The following LRCH3 variants were observed in gnomAD, a reference collection of about 807,000 sequenced individuals.
LRCH3 encodes leucine rich repeats and calponin homology domain containing 3.
A neutral mutation model predicts 104.5 loss-of-function variants in LRCH3; 68 were observed. The observed-to-expected ratio is 0.65, with a 90% CI of 0.54 to 0.80. The LOEUF (loss-of-function observed/expected upper bound fraction) is 0.80, where lower values mean the gene tolerates loss of function less well. Ranked by LOEUF, LRCH3 falls within the 30% of genes least tolerant of loss-of-function variation. The pLI is 0.00. For synonymous variants in LRCH3, 344 were observed against 361.3 expected (o/e 0.95, Z 0.54); for missense variants, 951 against 953.9 (o/e 1.00, Z 0.04).
At chr3:197,834,902 G>A (rs1736484360) in intron 8 of LRCH3, among the ~76,000 whole-genome samples, 1 of 152,156 alleles carries the variant, frequency 6.6e-6, no homozygotes, top group Non-Finnish European at 1.5e-5. Flanking sequence ...CCAGCACTTT[G>A]GGTGGCCACA....
At chr3:197,878,588 C>T (rs1459696194) in intron 20 of LRCH3, among the ~76,000 whole-genome samples, 1 of 152,192 alleles carries the variant, frequency 6.6e-6, no homozygotes, top group African/African-American at 2.4e-5. Flanking sequence ...CCTTCCTTCT[C>T]CCCTTCCACC....
Position 197,883,717 on chromosome 3 carries a change from C to T in LRCH3, c.*51C>T. ...CCTGGCCAAAACAAGGAACAGGACA[C>T]CGTGATTGCTGCTGCCAGCTGTCTG... On this transcript the variant is annotated 3_prime_UTR_variant, in exon 21 of 21. Transcript: ENST00000425562. The surrounding 1 kb of genome is among the most constrained non-coding windows in gnomAD (Gnocchi z 4.2). 6.7e-7 allele frequency: 1 copy of T among 1,497,278 alleles called. No individual in the cohort carries two copies. Among genetic ancestry groups the T allele is most frequent in the Admixed American group, 2.2e-5 (1 of 45,020 alleles). The allele number at this position is 1,497,278 out of a possible 1,614,324, so 92.7% of individuals were successfully genotyped here.
intron 9 of LRCH3, among the ~76,000 whole-genome samples, chr3:197,838,206 G>T (rs557961145): frequency 1.3e-5 from 2 of 152,242 alleles, no homozygotes; most frequent in Non-Finnish European, 2.9e-5. Context: ...GACTGCTTGA[G>T]CCCGGCAGTT....
chr3:197,883,673 C>T lies in LRCH3; in HGVS notation c.*7C>T. 6.5e-7 allele frequency: 1 copy of T among 1,535,482 alleles called. No individual in the cohort carries two copies. Among genetic ancestry groups the T allele is most frequent in the Non-Finnish European group, 8.7e-7 (1 of 1,146,646 alleles). ...CCAGTTATCTGCTGTTTGAGGATCC[C>T]CAGGACGGTGGGCACTGGCCTGGCC... On this transcript the variant is annotated 3_prime_UTR_variant, in exon 21 of 21. Transcript: ENST00000425562. This position sits in a 1 kb window ranked among gnomAD's most constrained non-coding sequence, Gnocchi z 4.2.
chr3:197,792,330 C>A (rs1730622201), intron 1 of LRCH3, among the ~76,000 whole-genome samples: 1 of 151,460 alleles, frequency 6.6e-6, no homozygotes, highest in South Asian at 2.1e-4. Flanking sequence ...ACTTGCTATT[C>A]CTTTTTAAAG....
chr3:197,840,753 T>C (rs187862782), intron 10 of LRCH3, among the ~76,000 whole-genome samples: 31 of 152,318 alleles, frequency 2.0e-4, no homozygotes, highest in African/African-American at 7.5e-4. Context: ...ACATTTATAC[T>C]CTTATCACTT....
At chr3:197,882,369 CA>C in intron 20 of LRCH3, 1 of 984,268 alleles carries the variant, frequency 1.0e-6, no homozygotes, top group Non-Finnish European at 1.2e-6. Context: ...TTTTTTAGAT[CA>C]AAAGATTACA....
rs769325240 is a variant in LRCH3 at position 197,852,648 on chromosome 3, G to C, written c.1590+28G>C. 5.0e-6 allele frequency: 8 copies of C among 1,603,540 alleles called. No individual in the cohort carries two copies. In the East Asian group the frequency reaches 1.8e-4, roughly 36 times the overall value. On this transcript the variant is annotated intron_variant, in intron 13 of 20. Transcript: ENST00000425562. ...AAGTTGATGTAATCTCCTTTTCTTT[G>C]GAGTTGATTATTTTTGCAATGGAAA...
chr3:197,829,888 A>C lies in LRCH3; in HGVS notation c.887+215A>C, dbSNP rs573941994. Among the ~76,000 whole-genome samples, 6 of 152,322 alleles carry C rather than the reference A, an allele frequency of 3.9e-5. No individual in the cohort carries two copies. In the East Asian group the frequency reaches 9.6e-4, roughly 24 times the overall value. The stretch of plus-strand genomic sequence containing the variant: ...CTTGGCACTGTTGACATTTTAGATC[A>C]GATAATTCTTTGTTGTGATGGGCTG... On this transcript the variant is annotated intron_variant, in intron 6 of 20. Coordinates refer to ENST00000425562, the MANE Select transcript of LRCH3 (RefSeq NM_001365715.1).
chr3:197,870,078 G>T, intron 17 of LRCH3, 82 bp from the exon 18 acceptor site: 2 of 1,446,648 alleles, frequency 1.4e-6, no homozygotes, highest in South Asian at 1.2e-5. Context: ...TGCACTTGCA[G>T]GGAAACTGTG....
At chr3:197,839,681 G>A (rs1737503516) in intron 10 of LRCH3, among the ~76,000 whole-genome samples, 1 of 152,120 alleles carries the variant, frequency 6.6e-6, no homozygotes, top group African/African-American at 2.4e-5. Context: ...GCACAAAAAG[G>A]GCTAAAAGAA....
At chr3:197,809,723 T>G (rs757225334) in intron 1 of LRCH3, among the ~76,000 whole-genome samples, 5 of 152,234 alleles carry the variant, frequency 3.3e-5, no homozygotes, top group Non-Finnish European at 5.9e-5. Context: ...TTCTGTGTGT[T>G]TGTTTGTTTC....
chr3:197,793,209 T>G (rs1162117336), intron 1 of LRCH3, among the ~76,000 whole-genome samples: 2 of 152,248 alleles, frequency 1.3e-5, no homozygotes, highest in African/African-American at 2.4e-5. Flanking sequence ...TAAACAGAAC[T>G]GTTAAACTAA....
In LRCH3 at chr3:197,835,823, G is replaced by A. The variant is rs1217794484; in HGVS notation, c.1251+1G>A. On this transcript the variant is annotated splice_donor_variant, in intron 9 of 20. Transcript: ENST00000425562. LOFTEE classifies it high-confidence loss of function. Reference sequence around the variant, plus strand: ...TGAACAGCGGCGAATCTCTCATGAGGTAGTACACAGATTGAAGCCTAAATA... The same window carrying A: ...TGAACAGCGGCGAATCTCTCATGAGATAGTACACAGATTGAAGCCTAAATA... The A allele has an allele frequency of 6.2e-7, 1 of 1,613,634 alleles. No individual in the cohort carries two copies. Among genetic ancestry groups the A allele is most frequent in the African/African-American group, 1.3e-5 (1 of 74,908 alleles).
intron 10 of LRCH3, 69 bp downstream of exon 10, chr3:197,839,466 T>C (rs1353697552): frequency 2.2e-6 from 2 of 926,654 alleles, no homozygotes; most frequent in Admixed American, 2.6e-5. Context: ...ATTTTGGTTT[T>C]ATGCAGATCT....
At chr3:197,819,235 T>C (rs572677058) in intron 3 of LRCH3, among the ~76,000 whole-genome samples, 1 of 152,292 alleles carries the variant, frequency 6.6e-6, no homozygotes, top group East Asian at 1.9e-4. Context: ...TCCTCTTCAT[T>C]AAGTGAAAGC....
intron 1 of LRCH3, among the ~76,000 whole-genome samples, chr3:197,802,854 A>G (rs1426875436): frequency 6.6e-6 from 1 of 152,182 alleles, no homozygotes; most frequent in Non-Finnish European, 1.5e-5. Context: ...GTTCACTTTC[A>G]TAGCTTTGGA....
At chr3:197,868,605 A>G (rs1451941741) in intron 17 of LRCH3, among the ~76,000 whole-genome samples, 1 of 152,228 alleles carries the variant, frequency 6.6e-6, no homozygotes, top group Non-Finnish European at 1.5e-5. Context: ...CCATCAAGAG[A>G]ATGGATAAAT....
rs1043679626 is a variant in LRCH3, at chr3:197,885,200, A to C, written c.*1534A>C. The C allele has an allele frequency of 6.6e-6, 1 of 152,256 alleles. No homozygotes were observed. The highest frequency in any genetic ancestry group is 2.4e-5 in the African/African-American group (1 of 41,438). 9.4% of individuals were successfully genotyped at this position (152,256 alleles called of 1,614,324 possible). A position where few individuals can be genotyped will look rare whatever the true frequency, so the allele number is the denominator to read the frequency against. ...CCCGCCCTCCTGCTGCTCCTCAGAC[A>C]TCTGGGCCTGCAGACACATTGCAGT... On this transcript the variant is annotated 3_prime_UTR_variant, in exon 21 of 21. Transcript: ENST00000425562.
Sources: allele counts gnomAD v4.1 joint callset (sites outside exome capture counted in the v4.1 genomes callset), GRCh38; gene constraint gnomAD v4.1.1; non-coding constraint Gnocchi (gnomAD v3.1); transcripts MANE v1.5; gene names NCBI Gene and HGNC (gene_info 2026-07-23, HGNC 2026-07-21).